The following CHMP6 variants were observed in gnomAD, a reference collection of about 807,000 sequenced individuals.
The protein encoded by CHMP6 is charged multivesicular body protein 6.
CHMP6 carries 10 observed loss-of-function variants against 32.8 expected under a neutral mutation model. The ratio of observed to expected loss-of-function variants is 0.30; its 90% CI spans 0.19 to 0.52. The LOEUF (loss-of-function observed/expected upper bound fraction) is 0.52. CHMP6 is among the 20% of genes least tolerant of loss of function. CHMP6 has a pLI of 0.97. For synonymous variants in CHMP6, 123 were observed against 105.8 expected, an observed-to-expected ratio of 1.16 and a Z score of -1.00; for missense variants, 269 against 263.8, an observed-to-expected ratio of 1.02 and a Z score of -0.14.
At chr17:80,993,346 G>C (rs1005091479) in intron 1 of CHMP6, among the ~76,000 whole-genome samples, 2 of 152,188 alleles carry the variant, frequency 1.3e-5, no homozygotes, top group East Asian at 1.9e-4. Flanking sequence ...TGTTTTACAG[G>C]GGGGCAGCCT....
chr17:80,994,472 A>G (rs916092153), intron 1 of CHMP6, 109 bp from the exon 2 acceptor site: 14 of 905,662 alleles, frequency 1.5e-5, no homozygotes, highest in Admixed American at 3.1e-5. Flanking sequence ...ACCCTGCCCC[A>G]TGAAGGACAC....
intron 7 of CHMP6, chr17:80,998,778 A>G (rs990100951): frequency 1.4e-5 from 14 of 991,766 alleles, no homozygotes; most frequent in East Asian, 1.3e-4. Context: ...AGGCTCTCCA[A>G]CCTGCCCACT....
intron 4 of CHMP6, among the ~76,000 whole-genome samples, chr17:80,995,984 A>AAGTC (rs1568028264): frequency 6.6e-6 from 1 of 151,844 alleles, no homozygotes; most frequent in Non-Finnish European, 1.5e-5. Flanking sequence ...GTGACATAGA[A>AAGTC]GGGAAGTCTG....
At chr17:80,996,976 A>G (rs754226381) in intron 4 of CHMP6, 31 bp from the exon 5 acceptor site, 2 of 1,597,636 alleles carry the variant, frequency 1.3e-6, no homozygotes, top group African/African-American at 1.3e-5. Context: ...GCCTCGCGAC[A>G]GGGGTCAACA....
intron 1 of CHMP6, 100 bp from the exon 2 acceptor site, chr17:80,994,481 A>C (rs973504643): frequency 2.0e-6 from 2 of 999,106 alleles, no homozygotes; most frequent in Non-Finnish European, 2.9e-6. Context: ...CATGAAGGAC[A>C]CTCACGGAGG....
chr17:80,992,323 C>T (rs1427308097), intron 1 of CHMP6, among the ~76,000 whole-genome samples: 1 of 152,008 alleles, frequency 6.6e-6, no homozygotes, highest in Non-Finnish European at 1.5e-5. Context: ...CCGTGGGGTC[C>T]GCGCGGCGCT....
intron 1 of CHMP6, 59 bp from the exon 2 acceptor site, chr17:80,994,522 A>T: frequency 6.9e-7 from 1 of 1,457,908 alleles, no homozygotes; most frequent in Non-Finnish European, 9.3e-7. Context: ...GGCGCTCAGT[A>T]GCGTGGCCAG....
In CHMP6 at chr17:80,999,382, C is replaced by T. The variant is rs2069666426; in HGVS notation, c.*229C>T. 1.5e-5 allele frequency: 8 copies of T among 519,498 alleles called. No homozygotes were observed. In the South Asian group the frequency reaches 1.8e-4, roughly 11 times the overall value. 32.2% of individuals were successfully genotyped at this position (519,498 alleles called of 1,614,324 possible). A position where few individuals can be genotyped will look rare whatever the true frequency, so the allele number is the denominator to read the frequency against. ...GGCCTGCTCTCAGTCCGGATTAACT[C>T]TCGACCGAGCCCAGCTTCTGCCGGT... On this transcript the variant is annotated 3_prime_UTR_variant, in exon 8 of 8. Coordinates refer to ENST00000325167, the MANE Select transcript of CHMP6 (RefSeq NM_024591.5).
At chr17:80,998,978 C>A in intron 7 of CHMP6, 120 bp from the exon 8 acceptor site, 2 of 1,150,106 alleles carry the variant, frequency 1.7e-6, no homozygotes, top group South Asian at 1.3e-5. Flanking sequence ...GCTGGGCGTG[C>A]CCTTCCCTAG....
At chr17:80,995,129 C>T in intron 3 of CHMP6, 23 bp downstream of exon 3, 2 of 1,584,242 alleles carry the variant, frequency 1.3e-6, no homozygotes, top group Non-Finnish European at 8.6e-7. Flanking sequence ...GTGCTTCGCC[C>T]TGGAGTGCAG....
At chr17:80,996,351 A>G (rs1275099573) in intron 4 of CHMP6, among the ~76,000 whole-genome samples, 3 of 149,948 alleles carry the variant, frequency 2.0e-5, no homozygotes, top group African/African-American at 7.4e-5. Flanking sequence ...TTCCTGGAGG[A>G]GGTGAATACC....
rs148563596 is a variant in CHMP6 at position 80,999,150 on chromosome 17, G to C, written c.603G>C (p.Ser201=). Residue 201 remains serine, a synonymous_variant, in exon 8 of 8, where the codon TCG becomes TCC. Coordinates refer to ENST00000325167, the MANE Select transcript of CHMP6 (RefSeq NM_024591.5). ...GGCAGGCGGAGCTGGTGGCAGCTTC[G>C]TAACGTGGCCTCGTCTTGTGGGACT... is the stretch of plus-strand genomic sequence containing the variant. The part of the protein sequence containing the change: ...RPRQAELVAA[S] The C allele has an allele frequency of 1.2e-6, 2 of 1,614,006 alleles. No individual in the cohort carries two copies. Among genetic ancestry groups the C allele is most frequent in the Non-Finnish European group, 1.7e-6 (2 of 1,179,944 alleles).
chr17:80,998,819 G>A (rs1325593687), intron 7 of CHMP6: 7 of 759,958 alleles, frequency 9.2e-6, no homozygotes, highest in African/African-American at 1.8e-5. Context: ...GTCCATCCAC[G>A]TTTGTTCTGT....
At chr17:80,994,358 G>A (rs990648042) in intron 1 of CHMP6, among the ~76,000 whole-genome samples, 3 of 152,224 alleles carry the variant, frequency 2.0e-5, no homozygotes, top group Non-Finnish European at 4.4e-5. Flanking sequence ...GAGTCCGGGT[G>A]ACCCTCTGGT....
rs1289526606 is a variant in CHMP6, at chr17:80,999,980, G to T, written c.*827G>T. 1 of 152,284 alleles carries T rather than the reference G, an allele frequency of 6.6e-6. No homozygotes were observed. Among genetic ancestry groups the T allele is most frequent in the Non-Finnish European group, 1.5e-5 (1 of 68,082 alleles). 9.4% of individuals were successfully genotyped at this position (152,284 alleles called of 1,614,324 possible). On this transcript the variant is annotated 3_prime_UTR_variant, in exon 8 of 8. Coordinates refer to ENST00000325167, the MANE Select transcript of CHMP6 (RefSeq NM_024591.5). Reference sequence around the variant, plus strand: ...CAGCAGCCAGGACTGGAGGCTGTGGGGCATGGCGTGACTTCTCGTGCACAG... The same window carrying T: ...CAGCAGCCAGGACTGGAGGCTGTGGTGCATGGCGTGACTTCTCGTGCACAG...
At chr17:80,997,688 G>A (rs540918646) in intron 6 of CHMP6, among the ~76,000 whole-genome samples, 10 of 152,090 alleles carry the variant, frequency 6.6e-5, no homozygotes, top group Admixed American at 1.3e-4. Context: ...CGGGGGCCGC[G>A]TCCTGGCCCC....
At chr17:80,998,618 C>T (rs776743854) in intron 7 of CHMP6, 198 bp downstream of exon 7, 15 of 1,446,688 alleles carry the variant, frequency 1.0e-5, no homozygotes, top group Non-Finnish European at 1.1e-5. Flanking sequence ...ACTGGGCAAC[C>T]TCATAAGAGA....
At position 80,995,689 on chromosome 17, in the gene CHMP6, C is replaced by T. The variant is rs1272518026; in HGVS notation, c.279C>T (p.Phe93=). ...SLEAMVQSIE[F]TQIEMKVMEG... ...CTTTTCAGGTTCAGAGTATTGAGTT[C>T]ACCCAGATCGAAATGAAAGTGATGG... Residue 93 remains phenylalanine, a synonymous_variant, in exon 4 of 8, where the codon TTC becomes TTT. Transcript: ENST00000325167. 6.2e-6 allele frequency: 10 copies of T among 1,614,072 alleles called. No individual in the cohort carries two copies. Among genetic ancestry groups the T allele is most frequent in the Middle Eastern group, 3.3e-4 (2 of 6,054 alleles).
At chr17:80,992,130 C>T (rs977310817) in intron 1 of CHMP6, 149 bp downstream of exon 1, 6 of 461,568 alleles carry the variant, frequency 1.3e-5, no homozygotes, top group African/African-American at 1.0e-4. Context: ...CCCTCGGTCT[C>T]TCCGCCCTGC....
Sources: gnomAD v4.1 joint callset for allele counts (sites outside exome capture counted in the v4.1 genomes callset) on GRCh38, gnomAD v4.1.1 for gene constraint, MANE v1.5 for transcripts, NCBI Gene and HGNC (gene_info 2026-07-23, HGNC 2026-07-21) for gene names.